Variants in ZC3H12B observed in about 807,000 individuals in gnomAD.
ZC3H12B encodes the protein zinc finger CCCH-type containing 12B.
In ZC3H12B, 7 loss-of-function variants were observed where a neutral mutation model predicts 43.9. The ratio of observed to expected loss-of-function variants is 0.16; its 90% CI spans 0.09 to 0.30. ZC3H12B has a LOEUF of 0.30. Among genes scored for constraint, ZC3H12B ranks in the 10% least tolerant of loss-of-function variants. The pLI is 1.00. For synonymous variants in ZC3H12B, 222 were observed against 241.7 expected (o/e 0.92, Z 0.76); for missense variants, 475 against 670.2 (o/e 0.71, Z 3.22).
chrX:65,203,091 A>G, the ZC3H12B span, among the ~76,000 whole-genome samples: 1 of 112,012 alleles, frequency 8.9e-6, no homozygotes, highest in Non-Finnish European at 1.9e-5. Context: ...CTCTTCAGTC[A>G]GCTTTTGTTG....
chrX:65,194,343 A>C, the ZC3H12B span, among the ~76,000 whole-genome samples: 3 of 109,174 alleles, frequency 2.7e-5, no homozygotes, highest in East Asian at 8.8e-4. Context: ...ATGTATACAT[A>C]TGTAACTAAC....
chrX:65,248,427 T>G, the ZC3H12B span, among the ~76,000 whole-genome samples: 4 of 111,917 alleles, frequency 3.6e-5, no homozygotes, highest in East Asian at 1.1e-3. Flanking sequence ...AGTCTTGGAA[T>G]AAGAACTGAT....
At position 65,450,707 on chromosome X, in the gene ZC3H12B, A is replaced by G. The variant is rs1358867144; in HGVS notation, n.408-37939A>G. On this transcript the variant is annotated intron_variant and non_coding_transcript_variant, in intron 3 of 5. Transcript: ENST00000617377. ...TGTATATGTATACATATGTGTATATATGTATATGTATACATATGTGTATAT... is the reference window on the plus strand; with the variant it reads ...TGTATATGTATACATATGTGTATATGTGTATATGTATACATATGTGTATAT... Among the ~76,000 whole-genome samples, 2 of 35,135 alleles carry G rather than the reference A, an allele frequency of 5.7e-5. 1 individual carries two copies. The highest frequency in any genetic ancestry group is 1.3e-3 in the African/African-American group (2 of 1,510). The allele number at this position is 35,135 out of a possible 115,157, so 30.5% of individuals were successfully genotyped here.
the ZC3H12B span, among the ~76,000 whole-genome samples, chrX:65,234,724 C>T: frequency 8.9e-6 from 1 of 112,198 alleles, no homozygotes; most frequent in Admixed American, 9.5e-5. Flanking sequence ...GATACATGTG[C>T]AGGATGTGCA....
the ZC3H12B span, among the ~76,000 whole-genome samples, chrX:65,300,577 C>A: frequency 1.8e-5 from 2 of 111,406 alleles, no homozygotes; most frequent in African/African-American, 6.5e-5. Context: ...TCTCTACCCA[C>A]CCTGGTAGCC....
the ZC3H12B span, among the ~76,000 whole-genome samples, chrX:65,141,821 C>T: frequency 9.0e-6 from 1 of 111,571 alleles, no homozygotes; most frequent in East Asian, 2.8e-4. Flanking sequence ...CAATCTCATC[C>T]AGGTCGCTGT....
chrX:65,138,410 T>G, the ZC3H12B span, among the ~76,000 whole-genome samples: 495 of 111,806 alleles, frequency 4.4e-3, 3 homozygotes, highest in African/African-American at 0.015. Context: ...AATGACAGGA[T>G]TTTCTACTTT....
chrX:65,505,987 TGATTGTATA>T (rs1278698790), exon 5 of ZC3H12B: 1 of 112,430 alleles, frequency 8.9e-6, no homozygotes. Flanking sequence ...CTTTTTTTCC[TGATTGTATA>T]GAAACAAATG....
the ZC3H12B span, among the ~76,000 whole-genome samples, chrX:65,099,901 T>G: frequency 9.0e-6 from 1 of 111,684 alleles, no homozygotes; most frequent in Non-Finnish European, 1.9e-5. Flanking sequence ...TTGACAGAAG[T>G]AGGCTTCAGA....
chrX:65,472,825 G>GAGATATATAT (rs757507906), intron 3 of ZC3H12B, among the ~76,000 whole-genome samples: 1 of 31,583 alleles, frequency 3.2e-5, no homozygotes, highest in African/African-American at 2.1e-4. Context: ...CCATACCTTT[G>GAGATATATAT]ATATATATAT....
intron 2 of ZC3H12B, among the ~76,000 whole-genome samples, chrX:65,370,674 C>A (rs1037831660): frequency 1.8e-5 from 2 of 111,747 alleles, no homozygotes; most frequent in African/African-American, 6.5e-5. Context: ...AGCAGCCATG[C>A]AATAGTTTAC....
the ZC3H12B span, among the ~76,000 whole-genome samples, chrX:65,161,005 C>A: frequency 1.8e-5 from 2 of 111,074 alleles, no homozygotes; most frequent in Non-Finnish European, 3.8e-5. Context: ...TTTCTGCCTT[C>A]ATTTTGTTAT....
chrX:65,494,788 A>G (rs2068255013), intron 1 of ZC3H12B, among the ~76,000 whole-genome samples: 1 of 77,998 alleles, frequency 1.3e-5, no homozygotes, highest in Non-Finnish European at 2.7e-5. Flanking sequence ...CCCAAAAAAT[A>G]AATAAATAAA....
intron 2 of ZC3H12B, among the ~76,000 whole-genome samples, chrX:65,369,593 T>C (rs2066218379): frequency 1.8e-5 from 2 of 111,668 alleles, no homozygotes; most frequent in South Asian, 7.4e-4. Context: ...GAGGAAAGTT[T>C]TTCACGTGGT....
chrX:65,192,875 G>A, the ZC3H12B span, among the ~76,000 whole-genome samples: 3 of 111,050 alleles, frequency 2.7e-5, no homozygotes, highest in South Asian at 3.8e-4. Context: ...CTAGTTTCAA[G>A]CGATTTTCCT....
At chrX:65,373,986 A>ATAC (rs2066299337) in intron 2 of ZC3H12B, among the ~76,000 whole-genome samples, 3 of 28,908 alleles carry the variant, frequency 1.0e-4, no homozygotes, top group African/African-American at 7.2e-4. Context: ...TATATATACT[A>ATAC]TATATATATA....
the ZC3H12B span, among the ~76,000 whole-genome samples, chrX:65,201,131 G>A: frequency 6.3e-5 from 7 of 111,608 alleles, no homozygotes; most frequent in African/African-American, 2.3e-4. Context: ...GCTCTTCTTC[G>A]TACCTCTGGA....
Position 65,450,883 on chromosome X carries a change from G to T in ZC3H12B, n.408-37763G>T, listed in dbSNP as rs1450751763. On this transcript the variant is annotated intron_variant and non_coding_transcript_variant, in intron 3 of 5. Transcript: ENST00000617377. Reference sequence around the variant, plus strand: ...TGTATATATGTATATATATACATATGTGTATATATGTATATATATACATAT... The same window carrying T: ...TGTATATATGTATATATATACATATTTGTATATATGTATATATATACATAT... Among the ~76,000 whole-genome samples, 4 of 80,860 alleles carry T rather than the reference G, an allele frequency of 4.9e-5. 1 individual carries two copies. The highest frequency in any genetic ancestry group is 1.5e-4 in the Admixed American group (1 of 6,667). The allele number at this position is 80,860 out of a possible 115,157, so 70.2% of individuals were successfully genotyped here.
chrX:65,386,619 G>T (rs2066530249), intron 2 of ZC3H12B, among the ~76,000 whole-genome samples: 1 of 110,897 alleles, frequency 9.0e-6, no homozygotes, highest in Non-Finnish European at 1.9e-5. Flanking sequence ...TTGATTTTTT[G>T]AAGGGTTTTT....
Sources: allele counts gnomAD v4.1 joint callset (sites outside exome capture counted in the v4.1 genomes callset), GRCh38; gene constraint gnomAD v4.1.1; transcripts MANE v1.5; gene names NCBI Gene and HGNC (gene_info 2026-07-23, HGNC 2026-07-21).